Variants in NCOA6 observed in about 807,000 individuals in gnomAD.
The protein encoded by NCOA6 is nuclear receptor coactivator 6.
A neutral mutation model predicts 171.4 loss-of-function variants in NCOA6; 49 were observed. That is an observed-to-expected ratio of 0.29 (90% CI 0.23 to 0.36). NCOA6 has a LOEUF of 0.36. Among genes scored for constraint, NCOA6 ranks in the 10% least tolerant of loss-of-function variants. NCOA6 has a pLI of 1.00. For synonymous variants in NCOA6, 910 were observed against 927.5 expected (o/e 0.98, Z 0.34); for missense variants, 2,248 against 2,554.5 (o/e 0.88, Z 2.59).
At position 34,742,127 on chromosome 20, in the gene NCOA6, T is replaced by A. The variant is rs1389779818; in HGVS notation, c.4129A>T (p.Ser1377Cys). Reference sequence around the variant, plus strand: ...GGGGGATTGGCCAGAGGAGTGGGACTGACCAATACATTTCTCGGCAACTCC... The same window carrying A: ...GGGGGATTGGCCAGAGGAGTGGGACAGACCAATACATTTCTCGGCAACTCC... ...NVELPRNVLVSPTPLANPPVP... is the reference protein window; with the variant it reads ...NVELPRNVLVCPTPLANPPVP... Residue 1377 changes from serine to cysteine, a missense_variant, in exon 11 of 15, where the codon AGT (serine) becomes TGT (cysteine). Coordinates refer to ENST00000359003, the MANE Select transcript of NCOA6 (RefSeq NM_014071.5). 1.2e-6 allele frequency: 2 copies of A among 1,614,086 alleles called. No homozygotes were observed. Among genetic ancestry groups the A allele is most frequent in the Non-Finnish European group, 8.5e-7 (1 of 1,180,036 alleles).
At chr20:34,768,372 T>C in intron 5 of NCOA6, 92 bp downstream of exon 5, 2 of 1,499,792 alleles carry the variant, frequency 1.3e-6, no homozygotes, top group Non-Finnish European at 1.8e-6. Flanking sequence ...AAGTATGCCA[T>C]GAACCCCCAC....
intron 5 of NCOA6, among the ~76,000 whole-genome samples, chr20:34,765,960 T>C (rs779139885): frequency 3.9e-5 from 6 of 152,194 alleles, no homozygotes; most frequent in Non-Finnish European, 7.3e-5. Flanking sequence ...CTAAGAATAA[T>C]TGAAAAACCA....
At chr20:34,777,609 C>T (rs1480920184) in intron 3 of NCOA6, among the ~76,000 whole-genome samples, 1 of 149,836 alleles carries the variant, frequency 6.7e-6, no homozygotes, top group Non-Finnish European at 1.5e-5. Context: ...AACAAGACTC[C>T]GTCTCAAAAA....
chr20:34,715,943 G>A (rs1207535661), intron 14 of NCOA6, among the ~76,000 whole-genome samples: 2 of 152,230 alleles, frequency 1.3e-5, no homozygotes, highest in Non-Finnish European at 2.9e-5. Flanking sequence ...AAGGCTGGGC[G>A]TGGTGGCTCA....
At chr20:34,777,173 T>C (rs1568834569) in intron 3 of NCOA6, among the ~76,000 whole-genome samples, 2 of 138,482 alleles carry the variant, frequency 1.4e-5, no homozygotes, top group South Asian at 4.6e-4. Flanking sequence ...GATACACAAA[T>C]GGCCAATAAG....
intron 4 of NCOA6, among the ~76,000 whole-genome samples, chr20:34,776,032 A>G (rs1241407655): frequency 6.6e-6 from 1 of 152,238 alleles, no homozygotes; most frequent in Non-Finnish European, 1.5e-5. Context: ...ATAAAATCAA[A>G]GTCTGAAAGA....
At chr20:34,738,411 C>T (rs2076022225) in intron 11 of NCOA6, among the ~76,000 whole-genome samples, 1 of 152,000 alleles carries the variant, frequency 6.6e-6, no homozygotes, top group Non-Finnish European at 1.5e-5. Flanking sequence ...TCTCTTGATA[C>T]CAGAGGGAAA....
Position 34,727,295 on chromosome 20 carries a change from A to T in NCOA6, c.6112T>A (p.Ser2038Thr), listed in dbSNP as rs1308610970. 6.2e-7 allele frequency: 1 copy of T among 1,614,202 alleles called. No individual in the cohort carries two copies. The highest frequency in any genetic ancestry group is 8.5e-7 in the Non-Finnish European group (1 of 1,180,036). The change falls in exon 14 of 15, where the codon TCT becomes ACT. Residue 2038 changes from serine to threonine, a missense_variant. By Grantham distance (58) the Ser-to-Thr change is moderately conservative (BLOSUM62 1). Transcript: ENST00000359003. ...ESVENGHRKR[S>T]SRPASASSST... ...CTGGAGGCTGAAGCAGGTCGAGAAG[A>T]TCGTTTACGATGTCCATTTTCCACA...
In NCOA6 at chr20:34,801,340, AAAAG is replaced by A. The variant is rs377765073; in HGVS notation, c.-163-8781_-163-8778del. Among the ~76,000 whole-genome samples the A allele has an allele frequency of 4.1e-3, 628 of 152,292 alleles. 2 individuals are homozygous for A. The highest frequency in any genetic ancestry group is 0.014 in the African/African-American group (600 of 41,576). On this transcript the variant is annotated intron_variant, in intron 1 of 14. Transcript: ENST00000359003. ...AAACCAAACTCAAAATTAGTAGAAGAAAAGAAATAAAGATGAGAGCAGAAATAAA... is the reference window on the plus strand; with the variant it reads ...AAACCAAACTCAAAATTAGTAGAAGAAAATAAAGATGAGAGCAGAAATAAA...
rs2075970574 is a variant in NCOA6 at position 34,736,718 on chromosome 20, T to C, written c.5934A>G (p.Thr1978=). Residue 1978 remains threonine (T), a synonymous_variant, in exon 12 of 15, where the codon ACA becomes ACG. Coordinates refer to ENST00000359003, the MANE Select transcript of NCOA6 (RefSeq NM_014071.5). ...GTCTGGCAACAGAGGCCTGCAGTGC[T>C]GTGGTTGAAGTTTCCTTTGAGACTA... The part of the protein sequence containing the change: ...QNLVSKETST[T]ALQASVARPE... The C allele has an allele frequency of 6.2e-7, 1 of 1,611,468 alleles. No individual in the cohort carries two copies. Among genetic ancestry groups the C allele is most frequent in the Admixed American group, 1.7e-5 (1 of 59,742 alleles).
At chr20:34,788,346 G>A (rs1373331955) in intron 2 of NCOA6, among the ~76,000 whole-genome samples, 1 of 152,134 alleles carries the variant, frequency 6.6e-6, no homozygotes, top group Non-Finnish European at 1.5e-5. Context: ...TTACAGGCGT[G>A]AGCCATCGTG....
At position 34,743,359 on chromosome 20, in the gene NCOA6, A is replaced by G. The variant is rs1405112414; in HGVS notation, c.2915-18T>C. On this transcript the variant is annotated intron_variant, in intron 10 of 14. Coordinates refer to ENST00000359003, the MANE Select transcript of NCOA6 (RefSeq NM_014071.5). The stretch of plus-strand genomic sequence containing the variant: ...AGGATAACCTAAAACAAGCCCCCCA[A>G]ATTAGGGAAGTTAGATTTTTCAGCA... 1 of 1,576,522 alleles carries G rather than the reference A, an allele frequency of 6.3e-7. No homozygotes were observed. Among genetic ancestry groups the G allele is most frequent in the Non-Finnish European group, 8.6e-7 (1 of 1,159,110 alleles).
rs149885975 is a variant in NCOA6, at chr20:34,749,260, A to G, written c.2792+143T>C. 1.8e-4 allele frequency: 196 copies of G among 1,063,180 alleles called. No individual in the cohort carries two copies. In the African/African-American group the frequency reaches 3.0e-3, roughly 16 times the overall value. The allele number at this position is 1,063,180 out of a possible 1,614,324, so 65.9% of individuals were successfully genotyped here. On this transcript the variant is annotated intron_variant, in intron 9 of 14. Coordinates refer to ENST00000359003, the MANE Select transcript of NCOA6 (RefSeq NM_014071.5). ...GGAAGAGAGTACAGATGAAGGCAAG[A>G]CAGACTATGAGTTGATAATTATTGA...
At chr20:34,745,848 T>C (rs2076284759) in intron 10 of NCOA6, among the ~76,000 whole-genome samples, 1 of 152,174 alleles carries the variant, frequency 6.6e-6, no homozygotes, top group Non-Finnish European at 1.5e-5. Flanking sequence ...ATATCTAGGT[T>C]TGAATGAATT....
In NCOA6 at chr20:34,741,281, C is replaced by G; in HGVS notation, c.4975G>C (p.Val1659Leu). The change falls in exon 11 of 15, where the codon GTC (valine) becomes CTC (leucine). Residue 1659 changes from valine (V) to leucine (L), a missense_variant. By Grantham distance (32) the Val-to-Leu change is conservative. Around this residue, in one of 7 missense-constraint regions of NCOA6, gnomAD observed 884 missense variants for 941.9 expected, o/e 0.94. Transcript: ENST00000359003. ...SNARPQFITP[V>L]FINSSSIIQV... ...ATTATTGAGGATGAATTGATAAAGACAGGTGTAATGAACTGAGGCCGGGCA... is the reference window on the plus strand; with the variant it reads ...ATTATTGAGGATGAATTGATAAAGAGAGGTGTAATGAACTGAGGCCGGGCA... The G allele has an allele frequency of 6.2e-7, 1 of 1,614,190 alleles. No homozygotes were observed. Among genetic ancestry groups the G allele is most frequent in the Non-Finnish European group, 8.5e-7 (1 of 1,180,040 alleles).
intron 3 of NCOA6, 24 bp downstream of exon 3, chr20:34,782,097 G>T (rs1568843572): frequency 1.4e-6 from 2 of 1,467,912 alleles, no homozygotes; most frequent in Non-Finnish European, 1.9e-6. Flanking sequence ...GTAACAGGAA[G>T]AAAAAATAAT....
intron 8 of NCOA6, among the ~76,000 whole-genome samples, chr20:34,753,028 T>A (rs573799227): frequency 6.6e-6 from 1 of 151,540 alleles, no homozygotes; most frequent in Non-Finnish European, 1.5e-5. Context: ...GAAATGACTT[T>A]GTCATTGTTT....
intron 13 of NCOA6, among the ~76,000 whole-genome samples, chr20:34,730,394 T>G (rs1413955017): frequency 6.6e-6 from 1 of 152,092 alleles, no homozygotes; most frequent in East Asian, 1.9e-4. Context: ...GCTAGATGAT[T>G]CCTAATGAAA....
chr20:34,776,732 A>C (rs1303321373), intron 3 of NCOA6: 2 of 535,570 alleles, frequency 3.7e-6, no homozygotes, highest in East Asian at 4.7e-5. Context: ...AAATTAGATA[A>C]TATATGCAAA....
Sources: allele counts gnomAD v4.1 joint callset (sites outside exome capture counted in the v4.1 genomes callset), GRCh38; gene constraint gnomAD v4.1.1; regional missense constraint gnomAD v4.1.1; transcripts MANE v1.5; gene names NCBI Gene and HGNC (gene_info 2026-07-23, HGNC 2026-07-21).